NTRK3: variants seen among roughly 807,000 people sequenced by gnomAD.
NTRK3 encodes neurotrophic receptor tyrosine kinase 3.
In NTRK3, 24 loss-of-function variants were observed where a neutral mutation model predicts 91.7. The observed-to-expected ratio is 0.26, with a 90% CI of 0.19 to 0.37. NTRK3 has a LOEUF of 0.37. NTRK3 is among the 10% of genes least tolerant of loss of function. The pLI is 1.00. For missense variants in NTRK3, 880 were observed against 1,068.9 expected, an observed-to-expected ratio of 0.82 and a Z score of 2.46; for synonymous variants, 483 against 404.0, an observed-to-expected ratio of 1.20 and a Z score of -2.34.
chr15:88,089,311 G>C (rs2048795990), intron 13 of NTRK3, among the ~76,000 whole-genome samples: 1 of 152,170 alleles, frequency 6.6e-6, no homozygotes, highest in South Asian at 2.1e-4. Flanking sequence ...GCTTAAAAAT[G>C]CATCTTATTT....
intron 14 of NTRK3, among the ~76,000 whole-genome samples, chr15:88,002,793 TAAC>T (rs1475074278): frequency 1.3e-5 from 2 of 149,886 alleles, no homozygotes; most frequent in African/African-American, 4.9e-5. Context: ...CAAGCATGAC[TAAC>T]CAGGTGAATC....
At chr15:87,970,455 G>A (rs2073160063) in intron 14 of NTRK3, among the ~76,000 whole-genome samples, 1 of 152,172 alleles carries the variant, frequency 6.6e-6, no homozygotes, top group African/African-American at 2.4e-5. Context: ...AGAAGTGGGT[G>A]GTTGACGAAC....
intron 13 of NTRK3, among the ~76,000 whole-genome samples, chr15:88,050,736 C>A (rs1417744898): frequency 2.6e-5 from 4 of 152,160 alleles, no homozygotes; most frequent in Admixed American, 2.6e-4. Flanking sequence ...TCTTTGCAAA[C>A]TTGCAATGAT....
chr15:88,077,009 G>T (rs1375945049), intron 13 of NTRK3, among the ~76,000 whole-genome samples: 1 of 152,046 alleles, frequency 6.6e-6, no homozygotes, highest in African/African-American at 2.4e-5. Context: ...CATGAGAATC[G>T]CTTGAACCTA....
At chr15:88,201,642 G>T (rs2048313975) in intron 3 of NTRK3, among the ~76,000 whole-genome samples, 1 of 152,102 alleles carries the variant, frequency 6.6e-6, no homozygotes, top group Non-Finnish European at 1.5e-5. Context: ...GGACACAAAG[G>T]CCATTCCTCC....
chr15:87,934,192 G>A (rs756745429), intron 15 of NTRK3, among the ~76,000 whole-genome samples: 1 of 152,186 alleles, frequency 6.6e-6, no homozygotes, highest in Non-Finnish European at 1.5e-5. Context: ...TCTGCATGAG[G>A]AGCAGCTTAT....
chr15:88,137,369 C>T lies in NTRK3; in HGVS notation c.622+35G>A, dbSNP rs1293373930. On this transcript the variant is annotated intron_variant, in intron 7 of 18. Transcript: ENST00000394480. ...TCTCTGGTGTCTGAGGGATGCCTCCCTGGAGCCAGCTGGGCCAGGCGGCCA... is the reference window on the plus strand; with the variant it reads ...TCTCTGGTGTCTGAGGGATGCCTCCTTGGAGCCAGCTGGGCCAGGCGGCCA... 19 of 1,610,998 alleles carry T rather than the reference C, an allele frequency of 1.2e-5. No individual in the cohort carries two copies. The Admixed American group carries it at 3.2e-4, about 27-fold the overall frequency.
At chr15:87,994,741 A>G (rs1270361707) in intron 14 of NTRK3, among the ~76,000 whole-genome samples, 1 of 152,326 alleles carries the variant, frequency 6.6e-6, no homozygotes, top group African/African-American at 2.4e-5. Flanking sequence ...GGAATATGGG[A>G]AAAATGGGAA....
chr15:87,943,804 C>T (rs1596340325), intron 14 of NTRK3, among the ~76,000 whole-genome samples: 1 of 152,152 alleles, frequency 6.6e-6, no homozygotes, highest in Non-Finnish European at 1.5e-5. Flanking sequence ...GCAGCAGCTG[C>T]AAACCCCTGG....
chr15:88,100,076 G>C (rs1204426437), intron 13 of NTRK3, among the ~76,000 whole-genome samples: 1 of 152,154 alleles, frequency 6.6e-6, no homozygotes, highest in Non-Finnish European at 1.5e-5. Flanking sequence ...CAGTGATGAG[G>C]ATAAAGGTTT....
At chr15:88,120,358 A>G (rs1434483629) in intron 13 of NTRK3, among the ~76,000 whole-genome samples, 1 of 152,218 alleles carries the variant, frequency 6.6e-6, no homozygotes, top group African/African-American at 2.4e-5. Flanking sequence ...CTTTACTTTA[A>G]GTACCTATTA....
intron 15 of NTRK3, among the ~76,000 whole-genome samples, chr15:87,936,141 T>C (rs553553136): frequency 6.6e-6 from 1 of 152,090 alleles, no homozygotes; most frequent in Non-Finnish European, 1.5e-5. Context: ...TCAAAATGGG[T>C]CACCAGTCAG....
chr15:87,928,498 T>C (rs934595219), intron 17 of NTRK3: 1 of 152,222 alleles, frequency 6.6e-6, no homozygotes, highest in African/African-American at 2.4e-5. Flanking sequence ...AGGAGCAAAA[T>C]AAGACTCTTG....
intron 14 of NTRK3, among the ~76,000 whole-genome samples, chr15:87,976,562 C>T (rs2073733483): frequency 1.3e-5 from 2 of 152,172 alleles, no homozygotes; most frequent in African/African-American, 2.4e-5. Context: ...CAGGGCCTCA[C>T]GGTGTCCTCT....
At chr15:87,889,689 A>C (rs1275836606) in intron 17 of NTRK3, among the ~76,000 whole-genome samples, 1 of 152,054 alleles carries the variant, frequency 6.6e-6, no homozygotes, top group Non-Finnish European at 1.5e-5. Flanking sequence ...AATATTTACT[A>C]TGTGATCTTT....
At chr15:88,145,256 C>T (rs1373844407) in intron 6 of NTRK3, among the ~76,000 whole-genome samples, 1 of 152,156 alleles carries the variant, frequency 6.6e-6, no homozygotes, top group Non-Finnish European at 1.5e-5. Flanking sequence ...ACACGCGGCC[C>T]CTCCAGCCAA....
At chr15:87,927,425 A>G (rs1417455923) in intron 17 of NTRK3, 3 of 152,140 alleles carry the variant, frequency 2.0e-5, no homozygotes, top group South Asian at 2.1e-4. Flanking sequence ...ACACACCTCA[A>G]ATTCCCAGCC....
chr15:87,892,843 A>G (rs1432087728), intron 17 of NTRK3, among the ~76,000 whole-genome samples: 1 of 152,234 alleles, frequency 6.6e-6, no homozygotes, highest in Non-Finnish European at 1.5e-5. Flanking sequence ...CAATGAAAAT[A>G]TAAATTCAAG....
intron 14 of NTRK3, among the ~76,000 whole-genome samples, chr15:88,026,010 G>T (rs1415601445): frequency 6.6e-6 from 1 of 152,156 alleles, no homozygotes; most frequent in East Asian, 1.9e-4. Flanking sequence ...GGTGGCTCAC[G>T]CCTGTAATCC....
Sources: gnomAD v4.1 joint callset for allele counts (sites outside exome capture counted in the v4.1 genomes callset) on GRCh38, gnomAD v4.1.1 for gene constraint, MANE v1.5 for transcripts, NCBI Gene and HGNC (gene_info 2026-07-23, HGNC 2026-07-21) for gene names.